The following C11orf52 variants were observed in gnomAD, a reference collection of about 807,000 sequenced individuals.
C11orf52 encodes uncharacterized protein C11orf52.
A neutral mutation model predicts 11.7 loss-of-function variants in C11orf52; 9 were observed. The observed-to-expected ratio is 0.77, with a 90% CI of 0.46 to 1.34. C11orf52 has a LOEUF of 1.34. Among genes scored for constraint, C11orf52 ranks in the 40% most tolerant of loss-of-function variants. The pLI is 0.00. For synonymous variants in C11orf52, 49 were observed against 57.4 expected (o/e 0.85, Z 0.66); for missense variants, 139 against 154.8 (o/e 0.90, Z 0.54).
chr11:111,925,715 G>C lies in C11orf52; in HGVS notation c.132+1G>C. On this transcript the variant is annotated splice_donor_variant, in intron 3 of 3. Transcript: ENST00000278601. LOFTEE classifies it high-confidence loss of function. ...ACAGCTGCAGCAGAATCTCCCAAAG[G>C]TAATGACAGGTCTCTGTCCCCTCTC... 6.2e-7 allele frequency: 1 copy of C among 1,614,194 alleles called. No homozygotes were observed. The highest frequency in any genetic ancestry group is 1.1e-5 in the South Asian group (1 of 91,082).
intron 1 of C11orf52, chr11:111,923,664 T>A (rs587611736): frequency 1.3e-5 from 2 of 152,282 alleles, no homozygotes; most frequent in South Asian, 2.1e-4. Flanking sequence ...ATATAAGAGG[T>A]CTGCCCTACA....
At chr11:111,919,698 G>T (rs978086639) in intron 1 of C11orf52, among the ~76,000 whole-genome samples, 3 of 152,102 alleles carry the variant, frequency 2.0e-5, no homozygotes, top group African/African-American at 7.2e-5. Context: ...GAGGTAAATG[G>T]TTTTGCCCCT....
chr11:111,924,409 G>C (rs782251922), intron 2 of C11orf52, 46 bp downstream of exon 2: 1 of 1,519,208 alleles, frequency 6.6e-7, no homozygotes, highest in Non-Finnish European at 9.1e-7. Flanking sequence ...GCAAATTAGA[G>C]AAGACAATAG....
chr11:111,926,177 G>C lies in C11orf52; in HGVS notation c.350G>C (p.Ser117Thr), dbSNP rs1454292717. The C allele has an allele frequency of 1.2e-6, 2 of 1,614,106 alleles. No individual in the cohort carries two copies. The highest frequency in any genetic ancestry group is 1.7e-6 in the Non-Finnish European group (2 of 1,180,058). Residue 117 changes from serine to threonine, a missense_variant, in exon 4 of 4, where the codon AGC becomes ACC. Physicochemically the swap from Ser to Thr is moderately conservative, Grantham distance 58. Coordinates refer to ENST00000278601, the MANE Select transcript of C11orf52 (RefSeq NM_080659.3). ...CCCCAGGCCACACCTCGCTATGACA[G>C]CAAGAACGGGACCCTGGTGTGAGCG... ...RFPQATPRYD[S>T]KNGTLV
Position 111,925,696 on chromosome 11 carries a change from G to A in C11orf52, c.114G>A (p.Leu38=), listed in dbSNP as rs1555166872. ...RRTLKPQPQQ[L]QQNLPKGHET... Reference sequence around the variant, plus strand: ...CACTGAAGCCGCAGCCACAACAGCTGCAGCAGAATCTCCCAAAGGTAATGA... The same window carrying A: ...CACTGAAGCCGCAGCCACAACAGCTACAGCAGAATCTCCCAAAGGTAATGA... Residue 38 remains leucine, a synonymous_variant, in exon 3 of 4, where the codon CTG becomes CTA. Transcript: ENST00000278601. 2 of 1,614,134 alleles carry A rather than the reference G, an allele frequency of 1.2e-6. No homozygotes were observed. The highest frequency in any genetic ancestry group is 1.7e-5 in the Admixed American group (1 of 60,008).
chr11:111,925,732 T>A lies in C11orf52; in HGVS notation c.132+18T>A, dbSNP rs1555166888. On this transcript the variant is annotated intron_variant, in intron 3 of 3. Coordinates refer to ENST00000278601, the MANE Select transcript of C11orf52 (RefSeq NM_080659.3). ...TCCCAAAGGTAATGACAGGTCTCTG[T>A]CCCCTCTCTGGGGCTGCTCGGACAT... 2 of 1,613,922 alleles carry A rather than the reference T, an allele frequency of 1.2e-6. No homozygotes were observed. The highest frequency in any genetic ancestry group is 8.5e-7 in the Non-Finnish European group (1 of 1,179,816).
intron 2 of C11orf52, 40 bp from the exon 3 acceptor site, chr11:111,925,613 G>C (rs782320129): frequency 5.6e-6 from 9 of 1,597,414 alleles, no homozygotes; most frequent in Non-Finnish European, 7.7e-6. Context: ...GTAGAGACAG[G>C]GAAGAGAGAA....
Position 111,926,146 on chromosome 11 carries a change from C to T in C11orf52, c.319C>T (p.Arg107Cys), listed in dbSNP as rs1965802809. ...AAACGCTACAGAGTATGCGACCCTT[C>T]GCTTCCCCCAGGCCACACCTCGCTA... ...LENATEYATL[R>C]FPQATPRYDS... Residue 107 changes from arginine to cysteine, a missense_variant, in exon 4 of 4, where the codon CGC becomes TGC. By Grantham distance (180) the Arg-to-Cys change is radical. Coordinates refer to ENST00000278601, the MANE Select transcript of C11orf52 (RefSeq NM_080659.3). The T allele has an allele frequency of 2.5e-6, 4 of 1,614,230 alleles. No individual in the cohort carries two copies. Among genetic ancestry groups the T allele is most frequent in the African/African-American group, 1.3e-5 (1 of 75,058 alleles).
intron 1 of C11orf52, chr11:111,924,113 T>A (rs1965747022): frequency 8.3e-6 from 4 of 480,512 alleles, no homozygotes. Flanking sequence ...TTATGTCAGT[T>A]GTACTACTCC....
At chr11:111,920,622 G>A (rs587629859) in intron 1 of C11orf52, among the ~76,000 whole-genome samples, 3 of 152,192 alleles carry the variant, frequency 2.0e-5, no homozygotes, top group East Asian at 1.9e-4. Flanking sequence ...AAATTAGCTA[G>A]GCGTGGTGGT....
chr11:111,925,507 C>T (rs118009277), intron 2 of C11orf52, 146 bp from the exon 3 acceptor site: 4 of 778,138 alleles, frequency 5.1e-6, no homozygotes, highest in African/African-American at 3.5e-5. Context: ...TTGGATTTAG[C>T]ACTAGTAGAC....
chr11:111,925,566 T>C, intron 2 of C11orf52, 87 bp from the exon 3 acceptor site: 1 of 1,329,518 alleles, frequency 7.5e-7, no homozygotes, highest in East Asian at 2.4e-5. Context: ...AAGCCTGCCG[T>C]TAATAGTTTA....
chr11:111,924,508 A>G, intron 2 of C11orf52, 145 bp downstream of exon 2: 1 of 673,326 alleles, frequency 1.5e-6, no homozygotes. Flanking sequence ...AGGTTGCTGC[A>G]TTCAAGACTA....
In C11orf52 at chr11:111,926,168, G is replaced by A. The variant is rs144473843; in HGVS notation, c.341G>A (p.Arg114His). 4.3e-6 allele frequency: 7 copies of A among 1,614,086 alleles called. No individual in the cohort carries two copies. The highest frequency in any genetic ancestry group is 5.9e-6 in the Non-Finnish European group (7 of 1,180,042). ...CTTCGCTTCCCCCAGGCCACACCTC[G>A]CTATGACAGCAAGAACGGGACCCTG... is the stretch of plus-strand genomic sequence containing the variant. The part of the protein sequence containing the change: ...ATLRFPQATP[R>H]YDSKNGTLV Residue 114 changes from arginine (R) to histidine (H), a missense_variant, in exon 4 of 4, where the codon CGC (arginine) becomes CAC (histidine). By Grantham distance (29) the Arg-to-His change is conservative. Coordinates refer to ENST00000278601, the MANE Select transcript of C11orf52 (RefSeq NM_080659.3).
In C11orf52 at chr11:111,926,543, C is replaced by A; in HGVS notation, c.*344C>A. On this transcript the variant is annotated 3_prime_UTR_variant, in exon 4 of 4. Transcript: ENST00000278601. ...CAGGTAAAAAGTTAGCCCATAAGCA[C>A]GTGGGCTGATCTTGTTGGACTTTAA... The A allele has an allele frequency of 3.2e-6, 1 of 316,012 alleles. No individual in the cohort carries two copies. Among genetic ancestry groups the A allele is most frequent in the East Asian group, 6.5e-5 (1 of 15,326 alleles). 19.6% of individuals were successfully genotyped at this position (316,012 alleles called of 1,614,324 possible). A position where few individuals can be genotyped will look rare whatever the true frequency, so the allele number is the denominator to read the frequency against.
In C11orf52 at chr11:111,919,967, G is replaced by A. The variant is rs1055787897; in HGVS notation, c.32+963G>A. ...TCCCAGAACTTTGGGAGGCCGAGGC[G>A]GGTGGATCACGAGGTCAGGAGATCG... On this transcript the variant is annotated intron_variant, in intron 1 of 3. Transcript: ENST00000278601. Among the ~76,000 whole-genome samples the A allele has an allele frequency of 8.6e-5, 13 of 151,496 alleles. No homozygotes were observed. In the East Asian group the frequency reaches 1.8e-3, roughly 21 times the overall value.
At chr11:111,925,838 C>G in intron 3 of C11orf52, 122 bp from the exon 4 acceptor site, 1 of 1,566,396 alleles carries the variant, frequency 6.4e-7, no homozygotes, top group Non-Finnish European at 8.7e-7. Flanking sequence ...TGTCTGTCCT[C>G]CTCTGTCTGT....
Position 111,925,680 on chromosome 11 carries a change from C to T in C11orf52, c.98C>T (p.Pro33Leu). The T allele has an allele frequency of 6.2e-7, 1 of 1,614,194 alleles. No individual in the cohort carries two copies. The highest frequency in any genetic ancestry group is 8.5e-7 in the Non-Finnish European group (1 of 1,180,036). Residue 33 changes from proline (P) to leucine (L), a missense_variant, in exon 3 of 4, where the codon CCG becomes CTG. Physicochemically the swap from Pro to Leu is moderately conservative, Grantham distance 98 (BLOSUM62 -3). Transcript: ENST00000278601. ...TGSQTRRTLK[P>L]QPQQLQQNLP... ...AGCCAAACAAGACGGACACTGAAGC[C>T]GCAGCCACAACAGCTGCAGCAGAAT...
At chr11:111,920,499 CTGCAG>C (rs1349300548) in intron 1 of C11orf52, among the ~76,000 whole-genome samples, 2 of 152,078 alleles carry the variant, frequency 1.3e-5, no homozygotes, top group South Asian at 2.1e-4. Context: ...GATTGCGCCA[CTGCAG>C]TCCAGACTGG....
Sources: allele counts gnomAD v4.1 joint callset (sites outside exome capture counted in the v4.1 genomes callset), GRCh38; gene constraint gnomAD v4.1.1; transcripts MANE v1.5; gene names NCBI Gene and HGNC (gene_info 2026-07-23, HGNC 2026-07-21).